The following DNAH8 variants were observed in gnomAD, a reference collection of about 807,000 sequenced individuals.
DNAH8 encodes axonemal beta dynein heavy chain 8.
DNAH8 carries 382 observed loss-of-function variants against 562.1 expected under a neutral mutation model. The ratio of observed to expected loss-of-function variants is 0.68; its 90% CI spans 0.63 to 0.74. The LOEUF (loss-of-function observed/expected upper bound fraction) is 0.74. Among genes scored for constraint, DNAH8 ranks in the 30% least tolerant of loss-of-function variants. The pLI is 0.00. For synonymous variants in DNAH8, 1,881 were observed against 1,919.4 expected (o/e 0.98, Z 0.52); for missense variants, 5,203 against 5,620.4 (o/e 0.93, Z 2.37).
chr6:38,931,979 C>T lies in DNAH8; in HGVS notation c.11443C>T (p.Leu3815=), dbSNP rs761888641. ...LENQLLRRVI[L]TEKQELEAER... is the part of the protein sequence containing the mutation. ...GAATCAGTTACTAAGGAGAGTCATT[C>T]TAACAGAGAAACAGGTAATCTCTCT... The change falls in exon 76 of 93, where the codon CTA becomes TTA. Residue 3815 remains leucine, a synonymous_variant. Coordinates refer to ENST00000327475, the MANE Select transcript of DNAH8 (RefSeq NM_001206927.2). The T allele has an allele frequency of 6.3e-7, 1 of 1,589,400 alleles. No individual in the cohort carries two copies. Among genetic ancestry groups the T allele is most frequent in the Non-Finnish European group, 8.6e-7 (1 of 1,169,194 alleles).
intron 37 of DNAH8, among the ~76,000 whole-genome samples, chr6:38,849,572 C>T (rs1008227): frequency 0.012 from 1,679 of 141,584 alleles, 22 homozygotes; most frequent in South Asian, 0.029. Flanking sequence ...TTTTTTTTTG[C>T]TTTTTTTTTT....
rs1780715128 is a variant in DNAH8 at position 38,909,447 on chromosome 6, G to A, written c.9514-71G>A. 2.9e-6 allele frequency: 4 copies of A among 1,393,588 alleles called. No individual in the cohort carries two copies. The Admixed American group carries it at 6.8e-5, about 24-fold the overall frequency. 86.3% of individuals were successfully genotyped at this position (1,393,588 alleles called of 1,614,324 possible). ...TGATGTCACACTCTTGGGTCAGATTGCGTAAATCTCTCTCTGGCTGACTTA... is the reference window on the plus strand; with the variant it reads ...TGATGTCACACTCTTGGGTCAGATTACGTAAATCTCTCTCTGGCTGACTTA... On this transcript the variant is annotated intron_variant, in intron 64 of 92. Coordinates refer to ENST00000327475, the MANE Select transcript of DNAH8 (RefSeq NM_001206927.2).
Position 38,826,143 on chromosome 6 carries a change from T to C in DNAH8, c.3848-13T>C. ...AGTTATATTCTAATTTAATTTCTTC[T>C]TGTCTTCATCAGAGCCGATGAAATT... On this transcript the variant is annotated splice_polypyrimidine_tract_variant and intron_variant, in intron 28 of 92. Transcript: ENST00000327475. The C allele has an allele frequency of 6.5e-7, 1 of 1,548,924 alleles. No individual in the cohort carries two copies. The highest frequency in any genetic ancestry group is 8.8e-7 in the Non-Finnish European group (1 of 1,139,164).
chr6:38,937,525 A>G (rs1783070178), intron 77 of DNAH8, among the ~76,000 whole-genome samples: 1 of 152,188 alleles, frequency 6.6e-6, no homozygotes, highest in Non-Finnish European at 1.5e-5. Flanking sequence ...TTCAACTATC[A>G]GCATGACAGT....
At chr6:38,878,119 C>G (rs1229713913) in intron 53 of DNAH8, among the ~76,000 whole-genome samples, 1 of 152,144 alleles carries the variant, frequency 6.6e-6, no homozygotes, top group Non-Finnish European at 1.5e-5. Flanking sequence ...AACAGAAAGA[C>G]AAATCCACAG....
intron 11 of DNAH8, among the ~76,000 whole-genome samples, chr6:38,768,186 G>A (rs1767209077): frequency 6.6e-6 from 1 of 151,966 alleles, no homozygotes; most frequent in South Asian, 2.1e-4. Flanking sequence ...TGAGTTGTAG[G>A]ATTTCTTTAT....
At chr6:38,791,943 G>T (rs2127658108) in intron 21 of DNAH8, among the ~76,000 whole-genome samples, 1 of 152,226 alleles carries the variant, frequency 6.6e-6, no homozygotes, top group Admixed American at 6.5e-5. Flanking sequence ...CTTCCACTGT[G>T]CATGGCTACC....
rs562869944 is a variant in DNAH8, at chr6:38,840,227, C to A, written c.4467-2141C>A. On this transcript the variant is annotated intron_variant, in intron 33 of 92. Transcript: ENST00000327475. ...GCACTTGCATTGTCAAGACTCAAAG[C>A]TGTTGAAAACTCGGACAGTCATCAT... 2.0e-5 allele frequency among the ~76,000 whole-genome samples: 3 copies of A among 152,314 alleles called. No individual in the cohort carries two copies. The East Asian group carries it at 5.8e-4, about 29-fold the overall frequency.
intron 21 of DNAH8, among the ~76,000 whole-genome samples, chr6:38,799,211 C>G (rs1004327367): frequency 6.6e-6 from 1 of 152,134 alleles, no homozygotes. Flanking sequence ...GAGCTCTTGG[C>G]ACATTGCTGA....
intron 76 of DNAH8, among the ~76,000 whole-genome samples, chr6:38,932,216 A>C (rs73428104): frequency 1.8e-4 from 26 of 145,616 alleles, no homozygotes; most frequent in African/African-American, 4.6e-4. Context: ...ACACACACAC[A>C]CCCGTCTCTT....
chr6:38,991,366 G>C (rs16891368), intron 88 of DNAH8, among the ~76,000 whole-genome samples: 1 of 152,184 alleles, frequency 6.6e-6, no homozygotes, highest in East Asian at 1.9e-4. Flanking sequence ...TGTTATCTAA[G>C]GAGGCTTTCA....
Position 38,914,017 on chromosome 6 carries a change from A to C in DNAH8, c.9963+65A>C, listed in dbSNP as rs983799194. The C allele has an allele frequency of 6.5e-6, 8 of 1,230,602 alleles. No homozygotes were observed. The Admixed American group carries it at 1.4e-4, about 22-fold the overall frequency. 76.2% of individuals were successfully genotyped at this position (1,230,602 alleles called of 1,614,324 possible). The stretch of plus-strand genomic sequence containing the variant: ...TTCCATATTAAAATGCATTGTTTTA[A>C]AATGGTACTAAAGAACAAGCAGGGT... On this transcript the variant is annotated intron_variant, in intron 67 of 92. Coordinates refer to ENST00000327475, the MANE Select transcript of DNAH8 (RefSeq NM_001206927.2).
chr6:38,947,911 C>T (rs937114808), intron 80 of DNAH8, among the ~76,000 whole-genome samples: 1 of 152,118 alleles, frequency 6.6e-6, no homozygotes, highest in Non-Finnish European at 1.5e-5. Context: ...CCACGCCCAG[C>T]TAATTTTTTG....
intron 82 of DNAH8, among the ~76,000 whole-genome samples, chr6:38,970,097 T>C (rs560993074): frequency 1.2e-3 from 178 of 152,206 alleles, no homozygotes; most frequent in African/African-American, 4.1e-3. Flanking sequence ...GCAACAACTG[T>C]CCCAGGGCCA....
intron 27 of DNAH8, 124 bp from the exon 28 acceptor site, chr6:38,823,438 C>A: frequency 2.9e-6 from 2 of 697,246 alleles, no homozygotes; most frequent in East Asian, 2.6e-5. Flanking sequence ...TATTTCTTAC[C>A]CAGCCACTGG....
rs1314057565 is a variant in DNAH8, at chr6:38,990,030, A to C, written c.13072A>C (p.Met4358Leu). 2 of 1,598,258 alleles carry C rather than the reference A, an allele frequency of 1.3e-6. No individual in the cohort carries two copies. Among genetic ancestry groups the C allele is most frequent in the Non-Finnish European group, 1.7e-6 (2 of 1,167,822 alleles). The stretch of plus-strand genomic sequence containing the variant: ...CATACAGGTCTGGTTCAGTGAGAAG[A>C]TGTTTGAACCGTCATTCTGCTTTTA... ...CFARVWFSEK[M>L]FEPSFCFYTG... Residue 4358 changes from methionine to leucine, a missense_variant, in exon 88 of 93, where the codon ATG becomes CTG. Met to Leu is a conservative substitution (Grantham distance 15). Transcript: ENST00000327475.
At chr6:38,834,853 A>G (rs1774146719) in intron 32 of DNAH8, among the ~76,000 whole-genome samples, 1 of 152,248 alleles carries the variant, frequency 6.6e-6, no homozygotes, top group African/African-American at 2.4e-5. Flanking sequence ...TTAGAGAATA[A>G]GACTGATTCT....
intron 87 of DNAH8, among the ~76,000 whole-genome samples, chr6:38,984,907 C>T (rs985678047): frequency 6.6e-6 from 1 of 152,178 alleles, no homozygotes; most frequent in Non-Finnish European, 1.5e-5. Context: ...ACTGCTTGTG[C>T]CCAGGGCCTC....
chr6:38,765,945 C>T (rs908159207), intron 11 of DNAH8, among the ~76,000 whole-genome samples: 5 of 152,046 alleles, frequency 3.3e-5, no homozygotes, highest in African/African-American at 1.2e-4. Flanking sequence ...CCATATGATC[C>T]AGCAATCTCA....
Sources: gnomAD v4.1 joint callset for allele counts (sites outside exome capture counted in the v4.1 genomes callset) on GRCh38, gnomAD v4.1.1 for gene constraint, MANE v1.5 for transcripts, NCBI Gene and HGNC (gene_info 2026-07-23, HGNC 2026-07-21) for gene names.